The following HMBOX1 variants were observed in gnomAD, a reference collection of about 807,000 sequenced individuals.
HMBOX1 encodes the protein homeobox containing 1.
HMBOX1 carries 14 observed loss-of-function variants against 54.5 expected under a neutral mutation model. That is an observed-to-expected ratio of 0.26 (90% CI 0.17 to 0.40). HMBOX1 has a LOEUF of 0.40. Ranked by LOEUF, HMBOX1 falls within the 10% of genes least tolerant of loss-of-function variation. The probability of loss-of-function intolerance (pLI) is 1.00; values close to 1 mark genes in which losing one functional copy is unlikely to be tolerated. For synonymous variants in HMBOX1, 160 were observed against 181.0 expected (o/e 0.88, Z 0.93); for missense variants, 332 against 514.4 (o/e 0.65, Z 3.43).
At chr8:28,995,830 C>T (rs1457593354) in intron 4 of HMBOX1, among the ~76,000 whole-genome samples, 1 of 152,044 alleles carries the variant, frequency 6.6e-6, no homozygotes, top group African/African-American at 2.4e-5. Context: ...TGGCTGGGCG[C>T]GGTGGCTCAC....
chr8:29,038,519 C>A (rs145555097), intron 6 of HMBOX1, among the ~76,000 whole-genome samples: 1 of 152,282 alleles, frequency 6.6e-6, no homozygotes, highest in East Asian at 1.9e-4. Flanking sequence ...CCTTTAGAGT[C>A]CAATAGCCAA....
chr8:28,931,344 C>G (rs946415812), intron 1 of HMBOX1, among the ~76,000 whole-genome samples: 8 of 152,136 alleles, frequency 5.3e-5, no homozygotes, highest in African/African-American at 1.9e-4. Context: ...TGTGCTCATG[C>G]GTAGTCCTGG....
chr8:28,911,702 C>A (rs889819730), intron 1 of HMBOX1, among the ~76,000 whole-genome samples: 2 of 152,120 alleles, frequency 1.3e-5, no homozygotes, highest in African/African-American at 2.4e-5. Flanking sequence ...GCCCCTGCTG[C>A]AGTGGTCATC....
chr8:29,042,469 G>A (rs1027184919), intron 6 of HMBOX1, among the ~76,000 whole-genome samples: 1 of 152,176 alleles, frequency 6.6e-6, no homozygotes, highest in African/African-American at 2.4e-5. Flanking sequence ...GAGGGCTTGG[G>A]GTAAGAGAGT....
chr8:28,962,918 T>G (rs1825855183), intron 1 of HMBOX1, among the ~76,000 whole-genome samples: 1 of 152,196 alleles, frequency 6.6e-6, no homozygotes, highest in African/African-American at 2.4e-5. Flanking sequence ...CCTCTACTGT[T>G]GGGACCATAT....
chr8:29,048,988 G>C lies in HMBOX1; in HGVS notation c.1065G>C (p.Val355=), dbSNP rs762287533. The change falls in exon 9 of 10, where the codon GTG becomes GTC. Residue 355 remains valine, a synonymous_variant. Coordinates refer to ENST00000287701, the MANE Select transcript of HMBOX1 (RefSeq NM_001135726.3). ...AAILESHGID[V]QSPGGHSNSD... ...TCCTGGAGAGTCATGGGATAGATGT[G>C]CAGAGTCCAGGAGGCCACTCAAACA... is the stretch of plus-strand genomic sequence containing the variant. 1 of 1,613,986 alleles carries C rather than the reference G, an allele frequency of 6.2e-7. No homozygotes were observed. The highest frequency in any genetic ancestry group is 1.7e-5 in the Admixed American group (1 of 60,010).
At chr8:29,049,826 A>G (rs1036157040) in intron 9 of HMBOX1, among the ~76,000 whole-genome samples, 19 of 152,220 alleles carry the variant, frequency 1.2e-4, no homozygotes, top group Non-Finnish European at 2.4e-4. Context: ...CCACAGCAAG[A>G]AAACTTCTGC....
At chr8:28,922,607 A>G (rs776456457) in intron 1 of HMBOX1, among the ~76,000 whole-genome samples, 33 of 152,226 alleles carry the variant, frequency 2.2e-4, no homozygotes, top group Non-Finnish European at 4.1e-4. Flanking sequence ...TTACAGTAAT[A>G]CACATACACA....
At chr8:29,036,603 A>G (rs897822901) in intron 6 of HMBOX1, among the ~76,000 whole-genome samples, 1 of 152,196 alleles carries the variant, frequency 6.6e-6, no homozygotes, top group Non-Finnish European at 1.5e-5. Flanking sequence ...GGCTATCATG[A>G]GTTTCTTTCT....
chr8:28,952,347 C>T (rs1321534149), intron 1 of HMBOX1, among the ~76,000 whole-genome samples: 1 of 152,040 alleles, frequency 6.6e-6, no homozygotes, highest in Admixed American at 6.6e-5. Context: ...GATCCTCCTG[C>T]CTCAGCCTCC....
In HMBOX1 at chr8:29,047,368, G is replaced by T; in HGVS notation, c.945G>T (p.Leu315=). The T allele has an allele frequency of 1.2e-6, 2 of 1,602,230 alleles. No homozygotes were observed. Among genetic ancestry groups the T allele is most frequent in the Non-Finnish European group, 1.7e-6 (2 of 1,169,376 alleles). Residue 315 remains leucine (L), a synonymous_variant, in exon 8 of 10, where the codon CTG becomes CTT. Coordinates refer to ENST00000287701, the MANE Select transcript of HMBOX1 (RefSeq NM_001135726.3). ...NAVIQKPGKK[L]SDLERVTSLK... is the part of the protein sequence containing the mutation. The stretch of plus-strand genomic sequence containing the variant: ...TGCATGTATTCACAGGCAAAAAGCT[G>T]TCAGATCTGGAAAGAGTTACCTCCC...
At chr8:29,044,688 G>A (rs567786434) in intron 6 of HMBOX1, among the ~76,000 whole-genome samples, 1 of 151,990 alleles carries the variant, frequency 6.6e-6, no homozygotes, top group Non-Finnish European at 1.5e-5. Flanking sequence ...ATTATTATTG[G>A]TATAATACCA....
chr8:28,955,147 C>CAT (rs748838361), intron 1 of HMBOX1, among the ~76,000 whole-genome samples: 57 of 151,872 alleles, frequency 3.8e-4, no homozygotes, highest in East Asian at 2.1e-3. Context: ...ATCAAATATG[C>CAT]ATATATATAT....
At chr8:28,995,267 T>C (rs1478522089) in intron 4 of HMBOX1, among the ~76,000 whole-genome samples, 2 of 152,204 alleles carry the variant, frequency 1.3e-5, no homozygotes, top group Non-Finnish European at 2.9e-5. Context: ...AATCATACAC[T>C]ATATAAACTT....
At chr8:28,931,738 C>G (rs1378710829) in intron 1 of HMBOX1, among the ~76,000 whole-genome samples, 1 of 152,052 alleles carries the variant, frequency 6.6e-6, no homozygotes, top group Non-Finnish European at 1.5e-5. Flanking sequence ...ATGGGACCTC[C>G]CTATGTTGCC....
rs192661580 is a variant in HMBOX1, at chr8:29,026,398, T to C, written c.851+7485T>C. On this transcript the variant is annotated intron_variant, in intron 6 of 9. Transcript: ENST00000287701. Reference sequence around the variant, plus strand: ...TGGGGGATGTGATGGCTAAGGGGTATGTGTTTCTTTTTGGGGTGATGAAGA... The same window carrying C: ...TGGGGGATGTGATGGCTAAGGGGTACGTGTTTCTTTTTGGGGTGATGAAGA... Among the ~76,000 whole-genome samples, 715 of 152,196 alleles carry C rather than the reference T, an allele frequency of 4.7e-3. 4 individuals are homozygous for C. The highest frequency in any genetic ancestry group is 0.017 in the African/African-American group (699 of 41,526).
chr8:28,893,845 A>G (rs1441309455), intron 1 of HMBOX1, among the ~76,000 whole-genome samples: 3 of 152,196 alleles, frequency 2.0e-5, no homozygotes, highest in Non-Finnish European at 4.4e-5. Flanking sequence ...TATTCAGCAC[A>G]TCCCACATTT....
rs554609130 is a variant in HMBOX1, at chr8:28,949,214, G to A, written c.-57-14597G>A. Reference sequence around the variant, plus strand: ...GCAACTCAGCTTTTTAAGTTTTCCTGTTGGAGTCAACTCTGGAGAGCTGTC... The same window carrying A: ...GCAACTCAGCTTTTTAAGTTTTCCTATTGGAGTCAACTCTGGAGAGCTGTC... On this transcript the variant is annotated intron_variant, in intron 1 of 9. Coordinates refer to ENST00000287701, the MANE Select transcript of HMBOX1 (RefSeq NM_001135726.3). 9.9e-5 allele frequency among the ~76,000 whole-genome samples: 15 copies of A among 152,278 alleles called. No individual in the cohort carries two copies. The South Asian group carries it at 3.1e-3, about 32-fold the overall frequency.
intron 3 of HMBOX1, among the ~76,000 whole-genome samples, chr8:28,971,074 A>G (rs1170944490): frequency 6.8e-6 from 1 of 146,270 alleles, no homozygotes; most frequent in Non-Finnish European, 1.5e-5. Flanking sequence ...AAACACTGAG[A>G]AAAGAAATCT....
Sources: gnomAD v4.1 joint callset for allele counts (sites outside exome capture counted in the v4.1 genomes callset) on GRCh38, gnomAD v4.1.1 for gene constraint, MANE v1.5 for transcripts, NCBI Gene and HGNC (gene_info 2026-07-23, HGNC 2026-07-21) for gene names.